INSYN2B: variants seen among roughly 807,000 people sequenced by gnomAD.
INSYN2B encodes inhibitory synaptic factor family member 2B.
INSYN2B carries 16 observed loss-of-function variants against 41.2 expected under a neutral mutation model. The ratio of observed to expected loss-of-function variants is 0.39; its 90% CI spans 0.26 to 0.59. The LOEUF (loss-of-function observed/expected upper bound fraction) is 0.59. Ranked by LOEUF, INSYN2B falls within the 20% of genes least tolerant of loss-of-function variation. The pLI, the probability that INSYN2B is intolerant of heterozygous loss-of-function variation, is 0.57. For synonymous variants in INSYN2B, 245 were observed against 244.4 expected (o/e 1.00, Z -0.02); for missense variants, 608 against 646.4 (o/e 0.94, Z 0.64).
intron 1 of INSYN2B, among the ~76,000 whole-genome samples, chr5:169,925,902 G>C (rs1014745519): frequency 2.0e-5 from 3 of 152,146 alleles, no homozygotes; most frequent in African/African-American, 7.2e-5. Context: ...GCCTGTTTTA[G>C]GTCTTGTGTT....
intron 1 of INSYN2B, among the ~76,000 whole-genome samples, chr5:169,925,578 T>TAAAAAAAAAAAAA (rs1561828965): frequency 3.1e-5 from 1 of 32,324 alleles, no homozygotes; most frequent in African/African-American, 1.3e-4. Context: ...AGACTCTGTC[T>TAAAAAAAAAAAAA]TAAAAAAAAA....
At chr5:169,969,543 G>A (rs1251315509) in intron 1 of INSYN2B, among the ~76,000 whole-genome samples, 1 of 152,256 alleles carries the variant, frequency 6.6e-6, no homozygotes, top group Non-Finnish European at 1.5e-5. Flanking sequence ...GAGAAGTTGA[G>A]AGCAGGTGGT....
chr5:169,910,083 C>G lies in INSYN2B; in HGVS notation c.-918-25267G>C, dbSNP rs1315286925. 2.6e-5 allele frequency among the ~76,000 whole-genome samples: 4 copies of G among 152,140 alleles called. No homozygotes were observed. The East Asian group carries it at 5.8e-4, about 22-fold the overall frequency. ...ATGTTTACTCTGAATGGCACCAAAG[C>G]CAGGCTTATTTCCATGTCTGTGGCC... On this transcript the variant is annotated intron_variant, in intron 1 of 3. Transcript: ENST00000377365.
intron 1 of INSYN2B, among the ~76,000 whole-genome samples, chr5:169,947,795 G>A (rs187902611): frequency 1.3e-5 from 2 of 152,294 alleles, no homozygotes; most frequent in East Asian, 3.9e-4. Flanking sequence ...CACTGTCATG[G>A]TGCCTGCTGG....
Position 169,864,421 on chromosome 5 carries a change from T to A in INSYN2B, c.1460A>T (p.His487Leu). 6.5e-7 allele frequency: 1 copy of A among 1,549,780 alleles called. No homozygotes were observed. Among genetic ancestry groups the A allele is most frequent in the Admixed American group, 2.0e-5 (1 of 50,722 alleles). Residue 487 changes from histidine (H) to leucine (L), a missense_variant, in exon 4 of 4, where the codon CAT (histidine) becomes CTT (leucine). Physicochemically the swap from His to Leu is moderately conservative, Grantham distance 99. Coordinates refer to ENST00000377365, the MANE Select transcript of INSYN2B (RefSeq NM_001129891.3). The stretch of plus-strand genomic sequence containing the variant: ...TTCCTCCAGACTCTGCAAAACTTCA[T>A]GGAACCTGCCTTCCTGCTGCCGAAA... ...YDFRQQEGRF[H>L]EVLQSLEEAE...
intron 1 of INSYN2B, among the ~76,000 whole-genome samples, chr5:169,954,058 C>T (rs968050169): frequency 8.5e-5 from 13 of 152,140 alleles, no homozygotes; most frequent in Non-Finnish European, 1.6e-4. Context: ...TTTCAAAGAC[C>T]CTGAACACTC....
At position 169,906,805 on chromosome 5, in the gene INSYN2B, C is replaced by A. The variant is rs150797319; in HGVS notation, c.-918-21989G>T. Among the ~76,000 whole-genome samples the A allele has an allele frequency of 2.2e-4, 33 of 152,296 alleles. No homozygotes were observed. The East Asian group carries it at 4.6e-3, about 21-fold the overall frequency. On this transcript the variant is annotated intron_variant, in intron 1 of 3. Transcript: ENST00000377365. ...AATTGAAGGGTGGTTCTGGTTTAAGCTCTGGAAAGTCTATAGGGAAATTAG... is the reference window on the plus strand; with the variant it reads ...AATTGAAGGGTGGTTCTGGTTTAAGATCTGGAAAGTCTATAGGGAAATTAG...
chr5:169,947,934 C>T (rs1210548672), intron 1 of INSYN2B, among the ~76,000 whole-genome samples: 1 of 152,164 alleles, frequency 6.6e-6, no homozygotes, highest in Non-Finnish European at 1.5e-5. Context: ...AGTGCCGCTG[C>T]GTTCTGCAAA....
intron 1 of INSYN2B, among the ~76,000 whole-genome samples, chr5:169,963,506 A>G (rs546039427): frequency 2.6e-5 from 4 of 151,992 alleles, no homozygotes; most frequent in African/African-American, 4.8e-5. Context: ...TCATTGTACA[A>G]TTGTGCATGT....
intron 1 of INSYN2B, among the ~76,000 whole-genome samples, chr5:169,953,319 C>G (rs1776740379): frequency 7.5e-6 from 1 of 132,460 alleles, no homozygotes; most frequent in Non-Finnish European, 1.6e-5. Flanking sequence ...GGTGACAGAG[C>G]AAGACTCTAT....
intron 1 of INSYN2B, among the ~76,000 whole-genome samples, chr5:169,921,806 G>A (rs978914): frequency 0.33 from 50,908 of 152,126 alleles, 9,262 homozygotes; most frequent in South Asian, 0.4. Context: ...TTCTCCCAGA[G>A]CTCTTAATCG....
Position 169,882,669 on chromosome 5 carries a change from G to C in INSYN2B, c.1230C>G (p.Cys410Trp). 2 of 1,552,048 alleles carry C rather than the reference G, an allele frequency of 1.3e-6. No individual in the cohort carries two copies. Among genetic ancestry groups the C allele is most frequent in the Non-Finnish European group, 1.7e-6 (2 of 1,147,034 alleles). Residue 410 changes from cysteine (C) to tryptophan (W), a missense_variant, in exon 2 of 4, where the codon TGC becomes TGG. Cys to Trp is a radical substitution (Grantham distance 215). Coordinates refer to ENST00000377365, the MANE Select transcript of INSYN2B (RefSeq NM_001129891.3). ...CAGATTGCAGTCGGCCTTGGAGGTC[G>C]CAGAGTTCACCCCGTGCCAGGTGAA... ...NQIHLARGEL[C>W]DLQGRLQSVE... is the part of the protein sequence containing the mutation.
chr5:169,939,060 C>T (rs1442143317), intron 1 of INSYN2B, among the ~76,000 whole-genome samples: 6 of 151,782 alleles, frequency 4.0e-5, no homozygotes, highest in African/African-American at 7.2e-5. Context: ...TGCACCACCA[C>T]GCCCTGCTAA....
chr5:169,944,470 A>G (rs924867467), intron 1 of INSYN2B, among the ~76,000 whole-genome samples: 2 of 152,144 alleles, frequency 1.3e-5, no homozygotes, highest in African/African-American at 4.8e-5. Flanking sequence ...AGGAGGCAGG[A>G]GATTTGGAAA....
At chr5:169,875,027 A>T (rs879602874) in intron 3 of INSYN2B, among the ~76,000 whole-genome samples, 29 of 152,070 alleles carry the variant, frequency 1.9e-4, no homozygotes, top group Non-Finnish European at 3.2e-4. Context: ...CTAAAATCAA[A>T]GCCAAGCAGA....
intron 1 of INSYN2B, among the ~76,000 whole-genome samples, chr5:169,897,676 A>T (rs1773693078): frequency 6.6e-6 from 1 of 152,226 alleles, no homozygotes; most frequent in South Asian, 2.1e-4. Flanking sequence ...AAGTTCCCTC[A>T]AACTCAAGTA....
At chr5:169,925,490 G>T (rs1382226394) in intron 1 of INSYN2B, among the ~76,000 whole-genome samples, 1 of 142,070 alleles carries the variant, frequency 7.0e-6, no homozygotes, top group East Asian at 2.2e-4. Context: ...TGAGGCAGAA[G>T]AATCGCTTGA....
chr5:169,973,140 G>A (rs1581491046), intron 1 of INSYN2B, among the ~76,000 whole-genome samples: 1 of 152,248 alleles, frequency 6.6e-6, no homozygotes, highest in East Asian at 1.9e-4. Flanking sequence ...CTTCCCTCCT[G>A]GAAGCTCTCT....
intron 1 of INSYN2B, among the ~76,000 whole-genome samples, chr5:169,956,543 A>C (rs913488335): frequency 6.6e-6 from 1 of 152,220 alleles, no homozygotes; most frequent in Admixed American, 6.5e-5. Context: ...GAACAGAGAG[A>C]AAGGTATCAT....
Sources: gnomAD v4.1 joint callset for allele counts (sites outside exome capture counted in the v4.1 genomes callset) on GRCh38, gnomAD v4.1.1 for gene constraint, MANE v1.5 for transcripts, NCBI Gene and HGNC (gene_info 2026-07-23, HGNC 2026-07-21) for gene names.